The following TRIP10 variants were observed in gnomAD, a reference collection of about 807,000 sequenced individuals.
TRIP10 encodes the protein cdc42-interacting protein 4.
Under a neutral mutation model 80.9 loss-of-function variants are expected in TRIP10, and 54 were observed. That is an observed-to-expected ratio of 0.67 (90% CI 0.54 to 0.84). TRIP10 has a LOEUF of 0.84. Among genes scored for constraint, TRIP10 ranks in the 40% least tolerant of loss-of-function variants. The probability of loss-of-function intolerance (pLI) is 0.00; values close to 1 mark genes in which losing one functional copy is unlikely to be tolerated. For missense variants in TRIP10, 773 were observed against 815.3 expected (o/e 0.95, Z 0.63); for synonymous variants, 321 against 307.2 (o/e 1.04, Z -0.47).
At position 6,743,615 on chromosome 19, in the gene TRIP10, C is replaced by CGGGGGGGTGGGGGGGGGGGGGGG; in HGVS notation, c.513+24_513+25insTGGGGGGGGGGGGGGGGGGGGGG. The CGGGGGGGTGGGGGGGGGGGGGGG allele has an allele frequency of 1.3e-6, 1 of 770,168 alleles. No homozygotes were observed. The highest frequency in any genetic ancestry group is 2.0e-5 in the South Asian group (1 of 50,314). The allele number at this position is 770,168 out of a possible 1,614,324, so 47.7% of individuals were successfully genotyped here. On this transcript the variant is annotated intron_variant, in intron 6 of 14. Coordinates refer to ENST00000313244, the MANE Select transcript of TRIP10 (RefSeq NM_001288962.2). ...GTGGAGAAGGTGTGTGTGGCGGGGG[C>CGGGGGGGTGGGGGGGGGGGGGGG]GGGGGGGGGGTGCGGGGTCTGGGAC...
chr19:6,744,020 CTTGT>C lies in TRIP10; in HGVS notation c.642+191_642+194del, dbSNP rs144533149. The C allele has an allele frequency of 3.6e-3, 2,992 of 832,254 alleles. 55 individuals carry two copies. In the African/African-American group the frequency reaches 0.043, roughly 12 times the overall value. 51.6% of individuals were successfully genotyped at this position (832,254 alleles called of 1,614,324 possible). A position where few individuals can be genotyped will look rare whatever the true frequency, so the allele number is the denominator to read the frequency against. ...TTCTTCCTGCTGGGCATGCCTTTTA[CTTGT>C]TTGTTTATTTACTTCTATAGAGAGA... On this transcript the variant is annotated intron_variant, in intron 7 of 14. Transcript: ENST00000313244. This position sits in a 1 kb window ranked among gnomAD's most constrained non-coding sequence, Gnocchi z 4.9.
chr19:6,748,795 A>G (rs974868549), intron 11 of TRIP10: 1 of 152,194 alleles, frequency 6.6e-6, no homozygotes, highest in Non-Finnish European at 1.5e-5. Context: ...TGTGTCTCAA[A>G]AAAAGATAAA....
chr19:6,749,831 A>G, intron 11 of TRIP10, 103 bp from the exon 12 acceptor site: 1 of 1,476,668 alleles, frequency 6.8e-7, no homozygotes, highest in Non-Finnish European at 9.1e-7. Flanking sequence ...AGCCTGGGGA[A>G]AGAGTCAGAA....
rs143759170 is a variant in TRIP10, at chr19:6,745,468, G to A, written c.984+474G>A. Among the ~76,000 whole-genome samples the A allele has an allele frequency of 1.3e-5, 2 of 152,172 alleles. No homozygotes were observed. Among genetic ancestry groups the A allele is most frequent in the African/African-American group, 4.8e-5 (2 of 41,510 alleles). On this transcript the variant is annotated intron_variant, in intron 9 of 14. Transcript: ENST00000313244. The surrounding 1 kb of genome is among the most constrained non-coding windows in gnomAD (Gnocchi z 7.2). ...CACTTACACTCTCATACCTCTCCTT[G>A]ACTTAACACCTGTGATCCCCGAGCT...
At chr19:6,750,891 G>C in intron 14 of TRIP10, 172 bp from the exon 15 acceptor site, 2 of 1,177,928 alleles carry the variant, frequency 1.7e-6, no homozygotes, top group Non-Finnish European at 2.3e-6. Context: ...AGCTACTCGG[G>C]AGGCTGAGGC....
rs755227534 is a variant in TRIP10 at position 6,743,192 on chromosome 19, A to G, written c.346-2A>G. On this transcript the variant is annotated splice_acceptor_variant, in intron 4 of 14. Transcript: ENST00000313244. LOFTEE classifies it high-confidence loss of function. ...CGAGCCTTATCACTCTTCTTTCTGT[A>G]GCACTTCCAAGAAGGGCGGCGGGCC... 1 of 1,614,188 alleles carries G rather than the reference A, an allele frequency of 6.2e-7. No homozygotes were observed. The highest frequency in any genetic ancestry group is 1.1e-5 in the South Asian group (1 of 91,086).
At chr19:6,747,975 T>C (rs900404121) in intron 11 of TRIP10, among the ~76,000 whole-genome samples, 1 of 102,550 alleles carries the variant, frequency 9.8e-6, no homozygotes. Context: ...CAAGTAAATT[T>C]TTTTAAAAAC....
In TRIP10 at chr19:6,746,247, G is replaced by A. The variant is rs1057160416; in HGVS notation, c.1152+51G>A. Reference sequence around the variant, plus strand: ...AGGTGGTGGCCCTAGCCTGCCCAGCGGCGGGTGGCGGGACCCTGGGCTCGC... The same window carrying A: ...AGGTGGTGGCCCTAGCCTGCCCAGCAGCGGGTGGCGGGACCCTGGGCTCGC... On this transcript the variant is annotated intron_variant, in intron 10 of 14. Coordinates refer to ENST00000313244, the MANE Select transcript of TRIP10 (RefSeq NM_001288962.2). The surrounding 1 kb of genome is among the most constrained non-coding windows in gnomAD (Gnocchi z 6.2). 9.2e-5 allele frequency: 137 copies of A among 1,484,040 alleles called. No homozygotes were observed. Among genetic ancestry groups the A allele is most frequent in the Non-Finnish European group, 1.1e-4 (120 of 1,111,568 alleles). The allele number at this position is 1,484,040 out of a possible 1,614,324, so 91.9% of individuals were successfully genotyped here. A position where few individuals can be genotyped will look rare whatever the true frequency, so the allele number is the denominator to read the frequency against.
chr19:6,745,171 G>A lies in TRIP10; in HGVS notation c.984+177G>A, dbSNP rs1599563036. ...CGGCCGATTGGCCTGGGAGTCCCCC[G>A]AGGCGAAGGCGGGGGCAGGGTGGGG... On this transcript the variant is annotated intron_variant, in intron 9 of 14. Transcript: ENST00000313244. This position sits in a 1 kb window ranked among gnomAD's most constrained non-coding sequence, Gnocchi z 7.2. The A allele has an allele frequency of 8.0e-6, 7 of 879,854 alleles. No individual in the cohort carries two copies. Among genetic ancestry groups the A allele is most frequent in the East Asian group, 2.8e-5 (1 of 35,440 alleles). The allele number at this position is 879,854 out of a possible 1,614,324, so 54.5% of individuals were successfully genotyped here. A position where few individuals can be genotyped will look rare whatever the true frequency, so the allele number is the denominator to read the frequency against.
At chr19:6,741,807 T>C (rs540530445) in intron 3 of TRIP10, among the ~76,000 whole-genome samples, 1 of 152,178 alleles carries the variant, frequency 6.6e-6, no homozygotes, top group Non-Finnish European at 1.5e-5. Flanking sequence ...CCTGAACTTT[T>C]TGTTAATTGT....
At position 6,744,661 on chromosome 19, in the gene TRIP10, G is replaced by A. The variant is rs1337768302; in HGVS notation, c.750G>A (p.Glu250=). 1 of 1,610,750 alleles carries A rather than the reference G, an allele frequency of 6.2e-7. No homozygotes were observed. The highest frequency in any genetic ancestry group is 1.7e-5 in the Admixed American group (1 of 59,520). Residue 250 remains glutamate (E), a synonymous_variant, in exon 8 of 15, where the codon GAG becomes GAA. Transcript: ENST00000313244. The surrounding 1 kb of genome is among the most constrained non-coding windows in gnomAD (Gnocchi z 4.9). ...TGCCCATAATAGCCAAGTGCTTGGA[G>A]GGCATGAAGGTGGCTGCAAATGCTG... ...EVVPIIAKCL[E]GMKVAANAVD...
intron 11 of TRIP10, among the ~76,000 whole-genome samples, chr19:6,749,077 GC>G (rs983571146): frequency 6.6e-6 from 1 of 151,650 alleles, no homozygotes; most frequent in Non-Finnish European, 1.5e-5. Flanking sequence ...TTTTTCCCCT[GC>G]CCCCCCTTCT....
intron 3 of TRIP10, among the ~76,000 whole-genome samples, chr19:6,741,659 G>A (rs558229966): frequency 4.6e-5 from 7 of 152,270 alleles, no homozygotes; most frequent in Admixed American, 3.3e-4. Flanking sequence ...CGAGCTGAGT[G>A]AATGTGTTTA....
At position 6,746,783 on chromosome 19, in the gene TRIP10, G is replaced by T. The variant is rs1301651905; in HGVS notation, c.1262+222G>T. On this transcript the variant is annotated intron_variant, in intron 11 of 14. Coordinates refer to ENST00000313244, the MANE Select transcript of TRIP10 (RefSeq NM_001288962.2). The surrounding 1 kb of genome is among the most constrained non-coding windows in gnomAD (Gnocchi z 6.2). ...TTCTTGTGCCTCAGCCTGCCGATTA[G>T]CTAGGACCACAGGCATGCACCAGCT... Among the ~76,000 whole-genome samples the T allele has an allele frequency of 6.6e-6, 1 of 152,110 alleles. No homozygotes were observed. The highest frequency in any genetic ancestry group is 2.4e-5 in the African/African-American group (1 of 41,402).
chr19:6,739,930 C>G (rs1015312193), intron 1 of TRIP10, 145 bp downstream of exon 1: 1 of 1,044,116 alleles, frequency 9.6e-7, no homozygotes, highest in Non-Finnish European at 1.2e-6. Context: ...CGCTCTCTCT[C>G]GAAGTTTATC....
Position 6,749,985 on chromosome 19 carries a change from G to A in TRIP10, c.1314G>A (p.Gly438=), listed in dbSNP as rs151021507. The A allele has an allele frequency of 1.2e-6, 2 of 1,613,998 alleles. No individual in the cohort carries two copies. Among genetic ancestry groups the A allele is most frequent in the South Asian group, 1.1e-5 (1 of 91,082 alleles). Reference sequence around the variant, plus strand: ...TCTATGAGAAGACACCTCAGATGGGGGACCCCGCCAGCTTGGAGCCCCAGA... The same window carrying A: ...TCTATGAGAAGACACCTCAGATGGGAGACCCCGCCAGCTTGGAGCCCCAGA... ...KDVYEKTPQM[G]DPASLEPQIA... Residue 438 remains glycine, a synonymous_variant, in exon 12 of 15, where the codon GGG becomes GGA. Transcript: ENST00000313244.
chr19:6,750,303 A>G lies in TRIP10; in HGVS notation c.1407A>G (p.Ala469=). 6.2e-7 allele frequency: 1 copy of G among 1,614,074 alleles called. No homozygotes were observed. The highest frequency in any genetic ancestry group is 1.7e-5 in the Admixed American group (1 of 60,012). The change falls in exon 13 of 15, where the codon GCA becomes GCG. Residue 469 remains alanine (A), a synonymous_variant. Transcript: ENST00000313244. ...LEVQKYEAWL[A]EAESRVLSNR... is the part of the protein sequence containing the mutation. ...TCCCCTCCTCCCAGGCGTGGCTGGC[A>G]GAAGCTGAAAGTCGAGTCCTTAGCA...
rs541116319 is a variant in TRIP10, at chr19:6,749,849, C to T, written c.1263-85C>T. The T allele has an allele frequency of 5.1e-5, 79 of 1,543,638 alleles. No individual in the cohort carries two copies. In the Admixed American group the frequency reaches 1.5e-3, roughly 29 times the overall value. ...CTGGGGAAAGAGTCAGAATGAGACCCTGACTCAAACAAAACAAAACAACAG... is the reference window on the plus strand; with the variant it reads ...CTGGGGAAAGAGTCAGAATGAGACCTTGACTCAAACAAAACAAAACAACAG... On this transcript the variant is annotated intron_variant, in intron 11 of 14. Transcript: ENST00000313244.
chr19:6,747,734 A>AAG (rs1568254896), intron 11 of TRIP10, among the ~76,000 whole-genome samples: 2 of 152,078 alleles, frequency 1.3e-5, no homozygotes, highest in Non-Finnish European at 2.9e-5. Flanking sequence ...CGGAGGTTGC[A>AAG]GTGAGTCAAG....
Sources: gnomAD v4.1 joint callset for allele counts (sites outside exome capture counted in the v4.1 genomes callset) on GRCh38, gnomAD v4.1.1 for gene constraint, Gnocchi (gnomAD v3.1) non-coding constraint, MANE v1.5 for transcripts, NCBI Gene and HGNC (gene_info 2026-07-23, HGNC 2026-07-21) for gene names.